ATRNL1: variants seen among roughly 807,000 people sequenced by gnomAD.
ATRNL1 encodes attractin-like protein 1.
Under a neutral mutation model 182.7 loss-of-function variants are expected in ATRNL1, and 95 were observed. That is an observed-to-expected ratio of 0.52 (90% CI 0.44 to 0.62). The LOEUF (loss-of-function observed/expected upper bound fraction) is 0.62, where lower values mean the gene tolerates loss of function less well. Among genes scored for constraint, ATRNL1 ranks in the 20% least tolerant of loss-of-function variants. ATRNL1 has a pLI of 0.00. For missense variants in ATRNL1, 1,471 were observed against 1,679.5 expected (o/e 0.88, Z 2.17); for synonymous variants, 576 against 568.3 (o/e 1.01, Z -0.19).
At chr10:115,710,314 C>A (rs544259752) in intron 26 of ATRNL1, among the ~76,000 whole-genome samples, 1 of 152,190 alleles carries the variant, frequency 6.6e-6, no homozygotes, top group South Asian at 2.1e-4. Context: ...AAAAGGGGTA[C>A]ATGAATCAGA....
chr10:115,709,553 A>T (rs1324591835), intron 26 of ATRNL1, among the ~76,000 whole-genome samples: 1 of 151,862 alleles, frequency 6.6e-6, no homozygotes, highest in Admixed American at 6.6e-5. Context: ...GAAAAGATTT[A>T]TGGGATTCAG....
intron 1 of ATRNL1, among the ~76,000 whole-genome samples, chr10:115,100,874 TTTATTTA>T (rs1366978003): frequency 1.3e-5 from 2 of 151,834 alleles, no homozygotes; most frequent in Non-Finnish European, 3.0e-5. Context: ...GGTATATCTG[TTTATTTA>T]TTTAGTTGTT....
intron 18 of ATRNL1, among the ~76,000 whole-genome samples, chr10:115,328,053 TTG>T (rs1855008603): frequency 6.6e-6 from 1 of 151,920 alleles, no homozygotes; most frequent in Non-Finnish European, 1.5e-5. Context: ...AACCTGCACA[TTG>T]TGCACATGTA....
At chr10:115,094,158 T>A in intron 1 of ATRNL1, 115 bp downstream of exon 1, 1 of 1,025,870 alleles carries the variant, frequency 9.7e-7, no homozygotes, top group Non-Finnish European at 1.3e-6. Context: ...CCCCCGGCCG[T>A]GAGTGAACCT....
chr10:115,792,602 A>G (rs1949555123), intron 27 of ATRNL1, among the ~76,000 whole-genome samples: 1 of 152,096 alleles, frequency 6.6e-6, no homozygotes, highest in Admixed American at 6.5e-5. Flanking sequence ...GCTGCATTTT[A>G]CCAGAAACAA....
At chr10:115,463,082 A>G (rs537917544) in intron 22 of ATRNL1, among the ~76,000 whole-genome samples, 2 of 151,976 alleles carry the variant, frequency 1.3e-5, no homozygotes, top group East Asian at 3.9e-4. Flanking sequence ...TTAAATCCAT[A>G]TCATATATTT....
intron 27 of ATRNL1, among the ~76,000 whole-genome samples, chr10:115,796,355 G>T (rs563797003): frequency 6.6e-6 from 1 of 152,018 alleles, no homozygotes; most frequent in South Asian, 2.1e-4. Flanking sequence ...ACCTAATCTG[G>T]ACACCTACCT....
chr10:115,921,749 G>A (rs1317237861), intron 28 of ATRNL1, among the ~76,000 whole-genome samples: 1 of 152,158 alleles, frequency 6.6e-6, no homozygotes, highest in Non-Finnish European at 1.5e-5. Flanking sequence ...TCATGCAGTA[G>A]CTAATCTTTT....
At chr10:115,905,546 C>A (rs1327253758) in intron 28 of ATRNL1, among the ~76,000 whole-genome samples, 1 of 152,098 alleles carries the variant, frequency 6.6e-6, no homozygotes, top group African/African-American at 2.4e-5. Context: ...AGTCTTCCAA[C>A]AATTCCAGTC....
intron 27 of ATRNL1, among the ~76,000 whole-genome samples, chr10:115,766,617 C>T (rs1555075109): frequency 6.6e-6 from 1 of 152,174 alleles, no homozygotes; most frequent in Non-Finnish European, 1.5e-5. Context: ...ATCCCCAGCA[C>T]TGTACATTGT....
chr10:115,623,165 A>G (rs1458045328), intron 26 of ATRNL1, among the ~76,000 whole-genome samples: 3 of 152,198 alleles, frequency 2.0e-5, no homozygotes, highest in Non-Finnish European at 4.4e-5. Flanking sequence ...TATAAGGTAT[A>G]TGGAACCCTG....
At chr10:115,304,603 T>C (rs1853635776) in intron 17 of ATRNL1, among the ~76,000 whole-genome samples, 1 of 152,122 alleles carries the variant, frequency 6.6e-6, no homozygotes, top group Admixed American at 6.5e-5. Flanking sequence ...GGCAGGTATA[T>C]GTAGAGGCTG....
chr10:115,528,379 C>A (rs1851372453), intron 25 of ATRNL1, among the ~76,000 whole-genome samples: 1 of 151,864 alleles, frequency 6.6e-6, no homozygotes. Context: ...GGGATTTGTC[C>A]ATTTCACCTA....
intron 26 of ATRNL1, among the ~76,000 whole-genome samples, chr10:115,706,731 G>A (rs1381825573): frequency 4.5e-4 from 69 of 151,964 alleles, no homozygotes; most frequent in Non-Finnish European, 8.8e-5. Context: ...TTGACAGCCT[G>A]AGTAGTTAAA....
intron 8 of ATRNL1, among the ~76,000 whole-genome samples, chr10:115,204,511 A>G (rs1848723763): frequency 6.6e-6 from 1 of 152,092 alleles, no homozygotes; most frequent in Non-Finnish European, 1.5e-5. Flanking sequence ...GTTGAATTCT[A>G]TCAAATGCTT....
At chr10:115,280,919 G>T (rs1262925557) in intron 13 of ATRNL1, among the ~76,000 whole-genome samples, 2 of 152,256 alleles carry the variant, frequency 1.3e-5, no homozygotes, top group African/African-American at 4.8e-5. Flanking sequence ...ATGTTTTCCA[G>T]TGGGAGTGGA....
At chr10:115,933,597 A>G (rs1953469767) in intron 28 of ATRNL1, among the ~76,000 whole-genome samples, 1 of 152,212 alleles carries the variant, frequency 6.6e-6, no homozygotes, top group Non-Finnish European at 1.5e-5. Flanking sequence ...ACCAGAAGTG[A>G]CATTAGCAGC....
chr10:115,922,301 G>A (rs1441116383), intron 28 of ATRNL1, among the ~76,000 whole-genome samples: 1 of 152,164 alleles, frequency 6.6e-6, no homozygotes, highest in Admixed American at 6.5e-5. Flanking sequence ...TGGTTTGCAT[G>A]TAGTCACTTA....
intron 19 of ATRNL1, among the ~76,000 whole-genome samples, chr10:115,378,949 A>G (rs1554950284): frequency 6.6e-6 from 1 of 152,238 alleles, no homozygotes; most frequent in East Asian, 1.9e-4. Context: ...ATAATGATAT[A>G]GCAAGGGATG....
Sources: gnomAD v4.1 joint callset for allele counts (sites outside exome capture counted in the v4.1 genomes callset) on GRCh38, gnomAD v4.1.1 for gene constraint, MANE v1.5 for transcripts, NCBI Gene and HGNC (gene_info 2026-07-23, HGNC 2026-07-21) for gene names.